SIPA1L3: variants seen among roughly 807,000 people sequenced by gnomAD.
SIPA1L3 encodes signal-induced proliferation-associated 1-like protein 3.
Under a neutral mutation model 150.1 loss-of-function variants are expected in SIPA1L3, and 59 were observed. The ratio of observed to expected loss-of-function variants is 0.39; its 90% confidence interval spans 0.32 to 0.49. The LOEUF (loss-of-function observed/expected upper bound fraction) is 0.49. Ranked by LOEUF, SIPA1L3 falls within the 20% of genes least tolerant of loss-of-function variation. The pLI, the probability that SIPA1L3 is intolerant of heterozygous loss-of-function variation, is 0.86. For missense variants in SIPA1L3, 2,211 were observed against 2,489.5 expected (o/e 0.89, Z 2.38); for synonymous variants, 1,070 against 1,077.6 (o/e 0.99, Z 0.14).
chr19:37,922,465 C>T (rs981950455), intron 1 of SIPA1L3, among the ~76,000 whole-genome samples: 6 of 151,370 alleles, frequency 4.0e-5, no homozygotes, highest in Non-Finnish European at 8.8e-5. Context: ...GCGATCTTGG[C>T]TAACTGCAAT....
chr19:37,912,302 A>G (rs1231275500), intron 1 of SIPA1L3, among the ~76,000 whole-genome samples: 2 of 152,116 alleles, frequency 1.3e-5, no homozygotes, highest in African/African-American at 4.8e-5. Flanking sequence ...CTGAAGCACA[A>G]ACTCTGGGGC....
chr19:38,088,789 C>T lies in SIPA1L3; in HGVS notation c.1603C>T (p.Leu535=), dbSNP rs1970197041. ...GGCTGTGAGCATTAAGCGGGAGAAG[C>T]TGGAAGACCACAAGGAGCACGGACC... ...PVAVSIKREK[L]EDHKEHGPQY... The change falls in exon 4 of 22, where the codon CTG becomes TTG. Residue 535 remains leucine, a synonymous_variant. Coordinates refer to ENST00000222345, the MANE Select transcript of SIPA1L3 (RefSeq NM_015073.3). 3.7e-6 allele frequency: 6 copies of T among 1,613,970 alleles called. No homozygotes were observed. The highest frequency in any genetic ancestry group is 1.3e-5 in the African/African-American group (1 of 74,912).
chr19:38,150,079 G>A (rs1344315775), intron 12 of SIPA1L3, among the ~76,000 whole-genome samples: 1 of 152,182 alleles, frequency 6.6e-6, no homozygotes, highest in Non-Finnish European at 1.5e-5. Flanking sequence ...GATGAAGATT[G>A]CTTATAGTCA....
intron 2 of SIPA1L3, among the ~76,000 whole-genome samples, chr19:38,057,302 G>A (rs116487113): frequency 0.017 from 2,477 of 150,096 alleles, 73 homozygotes; most frequent in African/African-American, 0.058. Context: ...ATATATATGT[G>A]TATATATGTG....
intron 1 of SIPA1L3, among the ~76,000 whole-genome samples, chr19:37,917,126 A>G (rs2046420671): frequency 6.6e-6 from 1 of 152,214 alleles, no homozygotes; most frequent in South Asian, 2.1e-4. Context: ...ATTATTAGTG[A>G]GCTATTTTAC....
intron 2 of SIPA1L3, among the ~76,000 whole-genome samples, chr19:38,063,676 A>G (rs1969504817): frequency 6.6e-6 from 1 of 152,158 alleles, no homozygotes; most frequent in African/African-American, 2.4e-5. Context: ...CGTACTAAGT[A>G]TTTAACCATC....
chr19:38,117,450 T>C (rs1159984681), intron 8 of SIPA1L3, among the ~76,000 whole-genome samples: 1 of 151,980 alleles, frequency 6.6e-6, no homozygotes, highest in Non-Finnish European at 1.5e-5. Context: ...CGAAACCCTG[T>C]CTCTACTAAA....
intron 15 of SIPA1L3, among the ~76,000 whole-genome samples, chr19:38,175,186 G>A (rs1389311585): frequency 1.3e-5 from 2 of 151,954 alleles, no homozygotes; most frequent in African/African-American, 4.8e-5. Context: ...GGTTGCTACG[G>A]CGGCTAAGTG....
At position 38,198,337 on chromosome 19, in the gene SIPA1L3, G is replaced by C. The variant is rs78567512; in HGVS notation, c.4841-52G>C. ...CAATGGGATGTCTTCATGTATTTGT[G>C]TCTCCCGCATTGTCACACTCAACCA... On this transcript the variant is annotated intron_variant, in intron 18 of 21. Coordinates refer to ENST00000222345, the MANE Select transcript of SIPA1L3 (RefSeq NM_015073.3). The C allele has an allele frequency of 0.031, 44,528 of 1,443,502 alleles. 1,278 individuals carry two copies. The highest frequency in any genetic ancestry group is 0.11 in the South Asian group (7,484 of 65,862). 89.4% of individuals were successfully genotyped at this position (1,443,502 alleles called of 1,614,324 possible).
At chr19:37,926,640 C>T (rs755559300) in intron 1 of SIPA1L3, among the ~76,000 whole-genome samples, 1 of 152,056 alleles carries the variant, frequency 6.6e-6, no homozygotes, top group African/African-American at 2.4e-5. Context: ...CTCCCTGTAG[C>T]GATGGGAGAC....
At chr19:38,100,627 A>T (rs1970479240) in intron 5 of SIPA1L3, among the ~76,000 whole-genome samples, 1 of 152,188 alleles carries the variant, frequency 6.6e-6, no homozygotes, top group African/African-American at 2.4e-5. Flanking sequence ...GATCCGGGAT[A>T]CCTAAAGCAA....
At chr19:38,036,290 G>C (rs1406614250) in intron 2 of SIPA1L3, among the ~76,000 whole-genome samples, 1 of 152,266 alleles carries the variant, frequency 6.6e-6, no homozygotes, top group African/African-American at 2.4e-5. Flanking sequence ...GCCCGAATTA[G>C]CCCAGACCTT....
chr19:38,009,904 G>C (rs1269328125), intron 1 of SIPA1L3, among the ~76,000 whole-genome samples: 1 of 152,218 alleles, frequency 6.6e-6, no homozygotes, highest in Non-Finnish European at 1.5e-5. Flanking sequence ...GGCTTTGGTG[G>C]GTTGGAGGAA....
At position 38,082,887 on chromosome 19, in the gene SIPA1L3, A is replaced by G. The variant is rs1225870676; in HGVS notation, c.1322A>G (p.Asn441Ser). 6.2e-7 allele frequency: 1 copy of G among 1,613,434 alleles called. No individual in the cohort carries two copies. ...GAGATCGGGGGCGAGTGTGAGCGCA[A>G]CGTGAGCTTCTCCCGGGCTTCCGTG... Reference protein sequence around the residue: ...RNEIGGECERNVSFSRASVGS... With the variant: ...RNEIGGECERSVSFSRASVGS... Residue 441 changes from asparagine to serine, a missense_variant, in exon 3 of 22, where the codon AAC becomes AGC. Transcript: ENST00000222345.
chr19:38,118,505 G>A (rs1970940987), intron 8 of SIPA1L3, among the ~76,000 whole-genome samples: 1 of 151,998 alleles, frequency 6.6e-6, no homozygotes, highest in Admixed American at 6.6e-5. Flanking sequence ...AGGATGTTCA[G>A]ACATCTGCTT....
chr19:38,119,313 G>A lies in SIPA1L3; in HGVS notation c.2299G>A (p.Val767Met), dbSNP rs1182833258. 1 of 1,613,602 alleles carries A rather than the reference G, an allele frequency of 6.2e-7. No homozygotes were observed. Among genetic ancestry groups the A allele is most frequent in the Non-Finnish European group, 8.5e-7 (1 of 1,179,704 alleles). ...CTDNVCYSMA[V>M]TRSKDAPPFG... ...TAATCTCTCCCTCCACAGTATGGCTGTGACCCGATCCAAAGACGCTCCTCC... is the reference window on the plus strand; with the variant it reads ...TAATCTCTCCCTCCACAGTATGGCTATGACCCGATCCAAAGACGCTCCTCC... Residue 767 changes from valine to methionine, a missense_variant, in exon 9 of 22, where the codon GTG becomes ATG. Physicochemically the swap from Val to Met is conservative, Grantham distance 21. This residue lies in a region of SIPA1L3 where 625 missense variants were observed against 804.2 expected (regional missense o/e 0.78). Coordinates refer to ENST00000222345, the MANE Select transcript of SIPA1L3 (RefSeq NM_015073.3).
Position 38,100,136 on chromosome 19 carries a change from C to T in SIPA1L3, c.1840C>T (p.Leu614Phe). Reference sequence around the variant, plus strand: ...CAAGGTGACGGAGCAACTGCTGAAGCTCGATGAGCAAGGGGTGAGTCAGGG... The same window carrying T: ...CAAGGTGACGGAGCAACTGCTGAAGTTCGATGAGCAAGGGGTGAGTCAGGG... ...TPKVTEQLLKLDEQGLCRKHK... is the reference protein window; with the variant it reads ...TPKVTEQLLKFDEQGLCRKHK... The change falls in exon 5 of 22, where the codon CTC becomes TTC. Residue 614 changes from leucine to phenylalanine, a missense_variant. Leu to Phe is a conservative substitution (Grantham distance 22). This residue lies in a region of SIPA1L3 where 625 missense variants were observed against 804.2 expected (regional missense o/e 0.78). Coordinates refer to ENST00000222345, the MANE Select transcript of SIPA1L3 (RefSeq NM_015073.3). 1.3e-6 allele frequency: 2 copies of T among 1,586,908 alleles called. No homozygotes were observed. Among genetic ancestry groups the T allele is most frequent in the African/African-American group, 1.4e-5 (1 of 73,428 alleles).
At chr19:37,913,938 C>T (rs1278903081) in intron 1 of SIPA1L3, among the ~76,000 whole-genome samples, 2 of 149,208 alleles carry the variant, frequency 1.3e-5, no homozygotes, top group African/African-American at 4.9e-5. Context: ...TCACGTGAAC[C>T]TAGGAGGCAG....
At chr19:38,018,481 G>A (rs1968291288) in intron 1 of SIPA1L3, among the ~76,000 whole-genome samples, 1 of 152,058 alleles carries the variant, frequency 6.6e-6, no homozygotes, top group South Asian at 2.1e-4. Context: ...CTATGGGTTC[G>A]CCCATTCTGG....
Sources: allele counts gnomAD v4.1 joint callset (sites outside exome capture counted in the v4.1 genomes callset), GRCh38; gene constraint gnomAD v4.1.1; regional missense constraint gnomAD v4.1.1; transcripts MANE v1.5; gene names NCBI Gene and HGNC (gene_info 2026-07-23, HGNC 2026-07-21).